NRF1: variants seen among roughly 807,000 people sequenced by gnomAD.
NRF1 encodes alpha palindromic-binding protein.
NRF1 carries 5 observed loss-of-function variants against 58.5 expected under a neutral mutation model. The observed-to-expected ratio is 0.09, with a 90% CI of 0.04 to 0.18. The LOEUF is 0.18. Among genes scored for constraint, NRF1 ranks in the 10% least tolerant of loss-of-function variants. The pLI, the probability that NRF1 is intolerant of heterozygous loss-of-function variation, is 1.00. For synonymous variants in NRF1, 224 were observed against 246.7 expected (o/e 0.91, Z 0.86); for missense variants, 288 against 657.7 (o/e 0.44, Z 6.15).
intron 1 of NRF1, among the ~76,000 whole-genome samples, chr7:129,619,427 T>TACACACACACAC (rs1295058351): frequency 2.7e-4 from 22 of 81,082 alleles, no homozygotes; most frequent in East Asian, 1.4e-3. Flanking sequence ...TATATATATA[T>TACACACACACAC]ATATATACAC....
In NRF1 at chr7:129,711,463, A is replaced by G; in HGVS notation, c.964-12A>G. On this transcript the variant is annotated splice_polypyrimidine_tract_variant and intron_variant, in intron 7 of 10. Transcript: ENST00000393232. ...CCACTGACACTTAACCACTTTCCAT[A>G]TTTTTCTTTAGGTTGGTACGGGGGC... The G allele has an allele frequency of 2.5e-6, 4 of 1,601,594 alleles. No individual in the cohort carries two copies. Among genetic ancestry groups the G allele is most frequent in the Non-Finnish European group, 3.4e-6 (4 of 1,172,148 alleles).
intron 6 of NRF1, among the ~76,000 whole-genome samples, chr7:129,709,824 G>A (rs1803032867): frequency 1.3e-5 from 2 of 149,074 alleles, no homozygotes; most frequent in African/African-American, 5.0e-5. Context: ...TCTGCCTCCC[G>A]GGTTCAAGCA....
chr7:129,740,312 A>T (rs1803817746), intron 10 of NRF1, among the ~76,000 whole-genome samples: 1 of 152,210 alleles, frequency 6.6e-6, no homozygotes, highest in Non-Finnish European at 1.5e-5. Context: ...AACTGCTGTT[A>T]TGATTATTAC....
At chr7:129,717,411 C>A in intron 9 of NRF1, 35 bp downstream of exon 9, 1 of 1,577,686 alleles carries the variant, frequency 6.3e-7, no homozygotes, top group Non-Finnish European at 8.6e-7. Flanking sequence ...GTGAGGATCG[C>A]AAATCTGTCC....
chr7:129,709,764 C>G (rs1218524538), intron 6 of NRF1, among the ~76,000 whole-genome samples: 2 of 131,276 alleles, frequency 1.5e-5, no homozygotes, highest in Non-Finnish European at 3.1e-5. Flanking sequence ...GAGTCTCACT[C>G]TTGTTGCCCA....
intron 5 of NRF1, among the ~76,000 whole-genome samples, chr7:129,707,791 A>AT (rs1192149039): frequency 6.6e-6 from 1 of 152,160 alleles, no homozygotes; most frequent in Non-Finnish European, 1.5e-5. Flanking sequence ...TGGCACAGGA[A>AT]TTAACAGCAT....
At chr7:129,686,292 G>A (rs73470476) in intron 4 of NRF1, among the ~76,000 whole-genome samples, 2 of 152,052 alleles carry the variant, frequency 1.3e-5, no homozygotes, top group Non-Finnish European at 1.5e-5. Flanking sequence ...GGTTAGGCAG[G>A]CACAACTTTA....
At chr7:129,632,128 A>G (rs1157222781) in intron 1 of NRF1, among the ~76,000 whole-genome samples, 2 of 152,150 alleles carry the variant, frequency 1.3e-5, no homozygotes, top group Admixed American at 1.3e-4. Flanking sequence ...TTTAAAAATT[A>G]GCTGAGCGTG....
At chr7:129,642,543 A>G (rs1306697988) in intron 1 of NRF1, among the ~76,000 whole-genome samples, 2 of 152,128 alleles carry the variant, frequency 1.3e-5, no homozygotes, top group East Asian at 1.9e-4. Context: ...AGTATATACA[A>G]TATAGGCTCA....
At chr7:129,658,598 A>G (rs1364397718) in intron 2 of NRF1, among the ~76,000 whole-genome samples, 1 of 111,774 alleles carries the variant, frequency 8.9e-6, no homozygotes, top group Admixed American at 1.1e-4. Context: ...GTCCAGTTGA[A>G]AAAAAAAAAA....
At chr7:129,749,738 C>G (rs1051339691) in intron 10 of NRF1, among the ~76,000 whole-genome samples, 1 of 152,068 alleles carries the variant, frequency 6.6e-6, no homozygotes, top group Non-Finnish European at 1.5e-5. Context: ...GAAAAAGACT[C>G]CCAAATCAAA....
At chr7:129,669,992 A>G (rs1420231203) in intron 2 of NRF1, among the ~76,000 whole-genome samples, 2 of 152,248 alleles carry the variant, frequency 1.3e-5, no homozygotes, top group South Asian at 2.1e-4. Context: ...TGTATGTACA[A>G]TGGAACATTA....
chr7:129,720,701 G>A (rs1447129607), intron 9 of NRF1, among the ~76,000 whole-genome samples: 1 of 152,122 alleles, frequency 6.6e-6, no homozygotes, highest in Non-Finnish European at 1.5e-5. Context: ...GGTAAAATGG[G>A]ATCAGGACAG....
intron 9 of NRF1, among the ~76,000 whole-genome samples, chr7:129,719,375 A>C (rs963817392): frequency 2.0e-5 from 3 of 151,622 alleles, no homozygotes; most frequent in Non-Finnish European, 4.4e-5. Context: ...CAGGTGATCC[A>C]CCCGCCTCAG....
chr7:129,729,819 AGTTT>A (rs1435351685), intron 10 of NRF1, among the ~76,000 whole-genome samples: 4 of 151,902 alleles, frequency 2.6e-5, no homozygotes, highest in Non-Finnish European at 5.9e-5. Context: ...CTGTTGCCAG[AGTTT>A]GTTGCTTCTT....
chr7:129,715,635 A>G (rs530292097), intron 8 of NRF1, among the ~76,000 whole-genome samples: 11 of 152,364 alleles, frequency 7.2e-5, no homozygotes, highest in South Asian at 2.1e-4. Context: ...ATAATAGTAT[A>G]TAAGGATATT....
chr7:129,641,601 G>A (rs911608174), intron 1 of NRF1: 16 of 152,238 alleles, frequency 1.1e-4, no homozygotes, highest in African/African-American at 3.6e-4. Flanking sequence ...ATAAGTGTAC[G>A]ATTACTCAAA....
chr7:129,637,398 T>A (rs1801190399), intron 1 of NRF1, among the ~76,000 whole-genome samples: 1 of 152,220 alleles, frequency 6.6e-6, no homozygotes, highest in Non-Finnish European at 1.5e-5. Flanking sequence ...GTATTTCATT[T>A]GGTAAAAAGA....
intron 9 of NRF1, among the ~76,000 whole-genome samples, chr7:129,726,763 G>A (rs1457520106): frequency 6.6e-6 from 1 of 152,198 alleles, no homozygotes; most frequent in African/African-American, 2.4e-5. Flanking sequence ...GGTTGCTGCT[G>A]ACTCCTCATA....
Sources: allele counts gnomAD v4.1 joint callset (sites outside exome capture counted in the v4.1 genomes callset), GRCh38; gene constraint gnomAD v4.1.1; transcripts MANE v1.5; gene names NCBI Gene and HGNC (gene_info 2026-07-23, HGNC 2026-07-21).